Variants in EPC2 observed in about 807,000 individuals in gnomAD.
EPC2 encodes the protein enhancer of polycomb 2.
Under a neutral mutation model 92.1 loss-of-function variants are expected in EPC2, and 14 were observed. The ratio of observed to expected loss-of-function variants is 0.15; its 90% confidence interval spans 0.10 to 0.24. EPC2 has a LOEUF of 0.24. EPC2 is among the 10% of genes least tolerant of loss of function. The pLI is 1.00. For missense variants in EPC2, 755 were observed against 971.5 expected (o/e 0.78, Z 2.96); for synonymous variants, 340 against 334.7 (o/e 1.02, Z -0.17).
intron 1 of EPC2, among the ~76,000 whole-genome samples, chr2:148,660,881 ATTTT>A (rs202002900): frequency 1.3e-5 from 2 of 151,048 alleles, no homozygotes; most frequent in South Asian, 4.2e-4. Context: ...TTCCTTCAGA[ATTTT>A]TTTTGTGTGC....
chr2:148,668,505 G>A (rs572623208), intron 1 of EPC2, among the ~76,000 whole-genome samples: 1 of 152,280 alleles, frequency 6.6e-6, no homozygotes, highest in East Asian at 1.9e-4. Flanking sequence ...AAAAAATTGT[G>A]TAGAGTTGGT....
At chr2:148,732,495 C>G (rs1682654983) in intron 2 of EPC2, among the ~76,000 whole-genome samples, 1 of 151,826 alleles carries the variant, frequency 6.6e-6, no homozygotes, top group Non-Finnish European at 1.5e-5. Context: ...ATTCTCCTGC[C>G]TCAGCCTCCC....
chr2:148,722,786 CAGT>C (rs1210208042), intron 2 of EPC2, among the ~76,000 whole-genome samples: 1 of 152,132 alleles, frequency 6.6e-6, no homozygotes, highest in African/African-American at 2.4e-5. Flanking sequence ...TGCCTATCAA[CAGT>C]AGACTGGATA....
At chr2:148,730,481 A>C (rs1682594592) in intron 2 of EPC2, among the ~76,000 whole-genome samples, 1 of 152,238 alleles carries the variant, frequency 6.6e-6, no homozygotes, top group South Asian at 2.1e-4. Context: ...ATTTCTCTAA[A>C]CATGGTCCAA....
At chr2:148,695,431 C>T (rs1263610165) in intron 2 of EPC2, among the ~76,000 whole-genome samples, 1 of 152,196 alleles carries the variant, frequency 6.6e-6, no homozygotes, top group Admixed American at 6.5e-5. Context: ...ACTCCTCAGA[C>T]TGATAAAGCT....
At position 148,645,011 on chromosome 2, in the gene EPC2, G is replaced by C. The variant is rs898179476; in HGVS notation, c.-7G>C. 14 of 1,549,594 alleles carry C rather than the reference G, an allele frequency of 9.0e-6. No homozygotes were observed. Among genetic ancestry groups the C allele is most frequent in the Non-Finnish European group, 1.1e-5 (13 of 1,146,090 alleles). ...CGCCCGGGCTGTTCCTGTAAGGCGG[G>C]GAGACAATGAGTAAACTCTCCTTCC... On this transcript the variant is annotated 5_prime_UTR_variant, in exon 1 of 14. Coordinates refer to ENST00000258484, the MANE Select transcript of EPC2 (RefSeq NM_015630.4).
chr2:148,716,059 T>C (rs925717130), intron 2 of EPC2, among the ~76,000 whole-genome samples: 3 of 152,198 alleles, frequency 2.0e-5, no homozygotes, highest in African/African-American at 7.2e-5. Flanking sequence ...CCAACAATTT[T>C]TGAACATTGA....
At chr2:148,702,349 G>A (rs1681908564) in intron 2 of EPC2, among the ~76,000 whole-genome samples, 1 of 152,002 alleles carries the variant, frequency 6.6e-6, no homozygotes, top group African/African-American at 2.4e-5. Context: ...TTCTCTCTCT[G>A]TTTCATTTTC....
intron 3 of EPC2, 77 bp downstream of exon 3, chr2:148,743,844 ATTTTACTGTTTCTTGGATTTC>A: frequency 8.7e-7 from 1 of 1,151,154 alleles, no homozygotes; most frequent in Non-Finnish European, 1.2e-6. Flanking sequence ...AGTGTGTTGC[ATTTTACTGTTTCTTGGATTTC>A]TTTTCCTGAC....
intron 2 of EPC2, among the ~76,000 whole-genome samples, chr2:148,714,825 A>G (rs1682224151): frequency 6.6e-6 from 1 of 152,092 alleles, no homozygotes; most frequent in Non-Finnish European, 1.5e-5. Context: ...TCAGATGGGT[A>G]AGTTGCAAAA....
chr2:148,667,979 A>T (rs1681085894), intron 1 of EPC2, among the ~76,000 whole-genome samples: 2 of 151,596 alleles, frequency 1.3e-5, no homozygotes, highest in Non-Finnish European at 2.9e-5. Context: ...GCTCACCACG[A>T]CCTCTGCCTC....
chr2:148,710,507 C>T (rs992993661), intron 2 of EPC2, among the ~76,000 whole-genome samples: 1 of 152,072 alleles, frequency 6.6e-6, no homozygotes, highest in Non-Finnish European at 1.5e-5. Flanking sequence ...GGGTATATAC[C>T]CAAAGGATTA....
intron 2 of EPC2, among the ~76,000 whole-genome samples, chr2:148,732,712 A>T (rs1296358686): frequency 6.6e-6 from 1 of 152,116 alleles, no homozygotes; most frequent in South Asian, 2.1e-4. Flanking sequence ...CCCTTGAGGT[A>T]GTAGCCAACC....
At chr2:148,768,135 G>A (rs539896105) in intron 7 of EPC2, among the ~76,000 whole-genome samples, 6 of 152,246 alleles carry the variant, frequency 3.9e-5, no homozygotes, top group East Asian at 1.9e-4. Flanking sequence ...TTTTCCTCTC[G>A]AAATAGGAAG....
At chr2:148,676,777 GCT>G (rs10559609) in intron 1 of EPC2, among the ~76,000 whole-genome samples, 101,524 of 144,446 alleles carry the variant, frequency 0.7, 35,883 homozygotes, top group Non-Finnish European at 0.76. Flanking sequence ...ACATTTAGGT[GCT>G]CTCTCTCTCT....
In EPC2 at chr2:148,741,930, C is replaced by T. The variant is rs116760126; in HGVS notation, c.314-1692C>T. Among the ~76,000 whole-genome samples, 982 of 152,300 alleles carry T rather than the reference C, an allele frequency of 6.4e-3. 10 individuals carry two copies. Among genetic ancestry groups the T allele is most frequent in the African/African-American group, 0.022 (904 of 41,568 alleles). On this transcript the variant is annotated intron_variant, in intron 2 of 13. Coordinates refer to ENST00000258484, the MANE Select transcript of EPC2 (RefSeq NM_015630.4). ...AAAATATCCTGTGCATTTACAAACA[C>T]ATGCATATATATCCAACCTTGTCCT... is the stretch of plus-strand genomic sequence containing the variant.
At chr2:148,730,627 G>A (rs1316150447) in intron 2 of EPC2, among the ~76,000 whole-genome samples, 1 of 152,188 alleles carries the variant, frequency 6.6e-6, no homozygotes, top group African/African-American at 2.4e-5. Context: ...TAGAGTTTGA[G>A]AAACACTGGC....
In EPC2 at chr2:148,754,078, A is replaced by G. The variant is rs1057108393; in HGVS notation, c.611A>G (p.Asn204Ser). 1.2e-6 allele frequency: 2 copies of G among 1,610,858 alleles called. No homozygotes were observed. The highest frequency in any genetic ancestry group is 8.5e-7 in the Non-Finnish European group (1 of 1,178,600). Residue 204 changes from asparagine to serine, a missense_variant, in exon 4 of 14, where the codon AAC (asparagine) becomes AGC (serine). Asn to Ser is a conservative substitution (Grantham distance 46, BLOSUM62 1). Transcript: ENST00000258484. ...CAAGAGAAAAGAGATGGCTCTACCAACAATGACCCTTATGTTGCCTTTCGG... is the reference window on the plus strand; with the variant it reads ...CAAGAGAAAAGAGATGGCTCTACCAGCAATGACCCTTATGTTGCCTTTCGG... The part of the protein sequence containing the change: ...IKQEKRDGST[N>S]NDPYVAFRRR...
chr2:148,679,182 C>A (rs1267050567), intron 1 of EPC2, among the ~76,000 whole-genome samples: 1 of 152,162 alleles, frequency 6.6e-6, no homozygotes, highest in Admixed American at 6.5e-5. Context: ...TGCCATTTAG[C>A]TCAGTTTCTT....
Sources: gnomAD v4.1 joint callset for allele counts (sites outside exome capture counted in the v4.1 genomes callset) on GRCh38, gnomAD v4.1.1 for gene constraint, MANE v1.5 for transcripts, NCBI Gene and HGNC (gene_info 2026-07-23, HGNC 2026-07-21) for gene names.